SHANK2: variants seen among roughly 807,000 people sequenced by gnomAD.
SHANK2 encodes SH3 and multiple ankyrin repeat domains 2.
A neutral mutation model predicts 133.7 loss-of-function variants in SHANK2; 43 were observed. The observed-to-expected ratio is 0.32, with a 90% CI of 0.25 to 0.41. SHANK2 has a LOEUF of 0.41. SHANK2 is among the 10% of genes least tolerant of loss of function. SHANK2 has a pLI of 1.00. For missense variants in SHANK2, 1,994 were observed against 2,235.8 expected (o/e 0.89, Z 2.18); for synonymous variants, 1,017 against 952.8 (o/e 1.07, Z -1.24).
rs1344807948 is a variant in SHANK2, at chr11:70,642,663, A to G, written c.2061+17165T>C. Among the ~76,000 whole-genome samples the G allele has an allele frequency of 4.6e-5, 7 of 152,238 alleles. 1 individual carries two copies. Among genetic ancestry groups the G allele is most frequent in the African/African-American group, 1.7e-4 (7 of 41,540 alleles). On this transcript the variant is annotated intron_variant, in intron 17 of 25. Coordinates refer to ENST00000601538, the MANE Select transcript of SHANK2 (RefSeq NM_012309.5). Reference sequence around the variant, plus strand: ...CTGACACCTCCCGTCATCTTCTGGGAAACACCAAGTGACACAAACAGGACA... The same window carrying G: ...CTGACACCTCCCGTCATCTTCTGGGGAACACCAAGTGACACAAACAGGACA...
chr11:70,874,202 C>A (rs1297398659), intron 11 of SHANK2, among the ~76,000 whole-genome samples: 1 of 152,118 alleles, frequency 6.6e-6, no homozygotes, highest in Non-Finnish European at 1.5e-5. Context: ...TCCATCCATC[C>A]ATATCTATAT....
chr11:70,698,458 GCCA>G (rs1466011455), intron 15 of SHANK2, among the ~76,000 whole-genome samples: 1 of 152,226 alleles, frequency 6.6e-6, no homozygotes, highest in African/African-American at 2.4e-5. Flanking sequence ...TCTCCCTGGG[GCCA>G]CCACACAGGT....
chr11:71,162,255 A>G (rs1590974426), intron 2 of SHANK2, among the ~76,000 whole-genome samples: 1 of 152,368 alleles, frequency 6.6e-6, no homozygotes, highest in African/African-American at 2.4e-5. Context: ...GCATCTGGTG[A>G]GGACCTTCTT....
intron 3 of SHANK2, among the ~76,000 whole-genome samples, chr11:71,145,772 C>T (rs1279604582): frequency 6.7e-6 from 1 of 150,044 alleles, no homozygotes; most frequent in Non-Finnish European, 1.5e-5. Context: ...TTGGGCCCCC[C>T]TTCCCCATCG....
chr11:70,859,707 C>T (rs1949227347), intron 11 of SHANK2, among the ~76,000 whole-genome samples: 1 of 152,194 alleles, frequency 6.6e-6, no homozygotes, highest in Admixed American at 6.5e-5. Context: ...AAGTCCCTGC[C>T]CTTGAATGTG....
At chr11:71,109,686 A>G (rs1341226778) in intron 6 of SHANK2, among the ~76,000 whole-genome samples, 1 of 151,954 alleles carries the variant, frequency 6.6e-6, no homozygotes, top group Non-Finnish European at 1.5e-5. Context: ...TCACTCATTC[A>G]CCTCCTCAAC....
chr11:70,940,800 A>G lies in SHANK2; in HGVS notation c.1108-44233T>C, dbSNP rs146549446. 2.4e-3 allele frequency among the ~76,000 whole-genome samples: 368 copies of G among 152,288 alleles called. No individual in the cohort carries two copies. In the Middle Eastern group the frequency reaches 0.027, roughly 11 times the overall value. The stretch of plus-strand genomic sequence containing the variant: ...TTTACAGCCTATGTGGGGCATTAAA[A>G]CTTCATGGAGGGTGCAAGAAAAAAG... On this transcript the variant is annotated intron_variant, in intron 10 of 25. Coordinates refer to ENST00000601538, the MANE Select transcript of SHANK2 (RefSeq NM_012309.5).
intron 14 of SHANK2, among the ~76,000 whole-genome samples, chr11:70,775,885 T>A (rs1006893327): frequency 6.6e-6 from 1 of 152,256 alleles, no homozygotes; most frequent in Non-Finnish European, 1.5e-5. Flanking sequence ...TCCCATCGTC[T>A]ATTTCAGAGG....
At chr11:70,526,438 A>G (rs782703636) in intron 17 of SHANK2, among the ~76,000 whole-genome samples, 8 of 152,078 alleles carry the variant, frequency 5.3e-5, no homozygotes, top group African/African-American at 9.7e-5. Context: ...ACCTTTCCAC[A>G]TGCAGGGCCT....
intron 17 of SHANK2, among the ~76,000 whole-genome samples, chr11:70,649,126 C>T (rs1414681279): frequency 6.6e-6 from 1 of 152,210 alleles, no homozygotes; most frequent in East Asian, 1.9e-4. Context: ...ATCTCCCCTT[C>T]TCACCCATAT....
At chr11:71,118,777 G>T in intron 4 of SHANK2, 52 bp downstream of exon 4, 1 of 1,427,620 alleles carries the variant, frequency 7.0e-7, no homozygotes, top group South Asian at 1.5e-5. Flanking sequence ...ACCCACCATG[G>T]CATCCAGGCT....
intron 17 of SHANK2, among the ~76,000 whole-genome samples, chr11:70,556,590 CTTTT>C (rs56161301): frequency 3.4e-4 from 47 of 140,134 alleles, no homozygotes; most frequent in Middle Eastern, 3.7e-3. Flanking sequence ...TAATTTTTTT[CTTTT>C]TTTTTTTTTT....
At chr11:71,195,664 A>G (rs1953890095) in intron 2 of SHANK2, among the ~76,000 whole-genome samples, 1 of 152,244 alleles carries the variant, frequency 6.6e-6, no homozygotes, top group Non-Finnish European at 1.5e-5. Flanking sequence ...GCCCACTCTT[A>G]AAGGATCATA....
intron 6 of SHANK2, among the ~76,000 whole-genome samples, chr11:71,097,013 G>A (rs1951627273): frequency 6.6e-6 from 1 of 152,200 alleles, no homozygotes; most frequent in Non-Finnish European, 1.5e-5. Flanking sequence ...CACCGGTGGA[G>A]AAAATGATCC....
intron 17 of SHANK2, among the ~76,000 whole-genome samples, chr11:70,557,162 TC>T (rs1554979828): frequency 1.3e-5 from 2 of 151,256 alleles, no homozygotes; most frequent in Non-Finnish European, 2.9e-5. Context: ...ATTCATTCAT[TC>T]ATTCATTCAT....
At chr11:70,828,930 C>A (rs1948686429) in intron 11 of SHANK2, among the ~76,000 whole-genome samples, 2 of 152,256 alleles carry the variant, frequency 1.3e-5, no homozygotes. Context: ...AGTTTCTGAG[C>A]CAATCACTGC....
intron 2 of SHANK2, among the ~76,000 whole-genome samples, chr11:71,159,588 GA>G (rs1170108529): frequency 6.6e-6 from 1 of 152,022 alleles, no homozygotes; most frequent in Non-Finnish European, 1.5e-5. Context: ...AACAAGGCGA[GA>G]AAAAAAGTGT....
chr11:70,661,767 T>C (rs1555013462), intron 15 of SHANK2, 89 bp from the exon 16 acceptor site: 3 of 1,613,902 alleles, frequency 1.9e-6, no homozygotes, highest in African/African-American at 1.3e-5. Flanking sequence ...TTCATCATCA[T>C]AGCCAATTAA....
At chr11:70,602,612 C>T (rs782685107) in intron 17 of SHANK2, among the ~76,000 whole-genome samples, 17 of 152,202 alleles carry the variant, frequency 1.1e-4, no homozygotes, top group Non-Finnish European at 1.8e-4. Context: ...CTCTTCTTTT[C>T]GGTAATTATA....
Sources: gnomAD v4.1 joint callset for allele counts (sites outside exome capture counted in the v4.1 genomes callset) on GRCh38, gnomAD v4.1.1 for gene constraint, MANE v1.5 for transcripts, NCBI Gene and HGNC (gene_info 2026-07-23, HGNC 2026-07-21) for gene names.